EIF4G3: variants seen among roughly 807,000 people sequenced by gnomAD.
EIF4G3 encodes the protein eukaryotic translation initiation factor 4 gamma 3, also known as eIF-4-gamma 3.
Under a neutral mutation model 186.4 loss-of-function variants are expected in EIF4G3, and 34 were observed. The observed-to-expected ratio is 0.18, with a 90% CI of 0.14 to 0.24. EIF4G3 has a LOEUF of 0.24. Ranked by LOEUF, EIF4G3 falls within the 10% of genes least tolerant of loss-of-function variation. The pLI is 1.00. For missense variants in EIF4G3, 1,536 were observed against 1,948.5 expected, an observed-to-expected ratio of 0.79 and a Z score of 3.99; for synonymous variants, 673 against 679.5, an observed-to-expected ratio of 0.99 and a Z score of 0.15.
intron 7 of EIF4G3, among the ~76,000 whole-genome samples, chr1:20,995,515 G>T (rs1163445349): frequency 6.6e-6 from 1 of 152,078 alleles, no homozygotes; most frequent in African/African-American, 2.4e-5. Context: ...GGGATTACAG[G>T]TGCCCACCAC....
At chr1:21,114,233 G>A (rs1299697253) in intron 2 of EIF4G3, among the ~76,000 whole-genome samples, 1 of 150,922 alleles carries the variant, frequency 6.6e-6, no homozygotes, top group Non-Finnish European at 1.5e-5. Context: ...TGAAACCTCC[G>A]CCTCCCGGGT....
chr1:20,883,044 T>C (rs1300715923), intron 19 of EIF4G3, among the ~76,000 whole-genome samples: 2 of 150,850 alleles, frequency 1.3e-5, no homozygotes, highest in African/African-American at 4.9e-5. Context: ...ACAGAGCCAC[T>C]GAACTTTAAC....
At chr1:20,888,670 A>G (rs1335453477) in intron 18 of EIF4G3, among the ~76,000 whole-genome samples, 1 of 152,168 alleles carries the variant, frequency 6.6e-6, no homozygotes, top group African/African-American at 2.4e-5. Flanking sequence ...ATACAATGCC[A>G]GCCCTACCTG....
At chr1:21,055,073 A>C (rs562487389) in intron 3 of EIF4G3, among the ~76,000 whole-genome samples, 100 of 152,320 alleles carry the variant, frequency 6.6e-4, no homozygotes, top group African/African-American at 2.3e-3. Flanking sequence ...TCACCAAGGA[A>C]ATTTTTCAAA....
chr1:20,886,418 G>C (rs1443634443), intron 18 of EIF4G3, 47 bp from the exon 19 acceptor site: 1 of 1,578,966 alleles, frequency 6.3e-7, no homozygotes, highest in African/African-American at 1.4e-5. Context: ...CAATTTATTG[G>C]CTTTGTTGTG....
intron 3 of EIF4G3, among the ~76,000 whole-genome samples, chr1:21,084,864 T>C (rs2095907718): frequency 1.3e-5 from 2 of 151,992 alleles, no homozygotes; most frequent in Non-Finnish European, 2.9e-5. Context: ...ATACTGTATA[T>C]ATATTTGTTT....
chr1:21,175,136 T>C (rs1467586607), intron 2 of EIF4G3: 1 of 152,240 alleles, frequency 6.6e-6, no homozygotes, highest in Non-Finnish European at 1.5e-5. Context: ...TCATTATTTA[T>C]TGATTTACAC....
intron 29 of EIF4G3, among the ~76,000 whole-genome samples, chr1:20,844,430 T>C (rs2069923932): frequency 6.6e-6 from 1 of 152,220 alleles, no homozygotes; most frequent in African/African-American, 2.4e-5. Context: ...TTGTGATTGT[T>C]GGCCACATGT....
intron 36 of EIF4G3, among the ~76,000 whole-genome samples, chr1:20,809,687 A>G (rs2058840313): frequency 6.6e-6 from 1 of 152,228 alleles, no homozygotes; most frequent in South Asian, 2.1e-4. Context: ...ATCATCCTCA[A>G]CATCATTAAC....
chr1:20,913,460 C>T (rs148148340), intron 14 of EIF4G3, among the ~76,000 whole-genome samples: 1 of 152,202 alleles, frequency 6.6e-6, no homozygotes, highest in East Asian at 1.9e-4. Context: ...ATTGCTTGAG[C>T]CCAAGGGTTG....
At chr1:20,862,414 G>T in intron 22 of EIF4G3, 82 bp from the exon 23 acceptor site, 2 of 864,460 alleles carry the variant, frequency 2.3e-6, no homozygotes, top group Non-Finnish European at 3.5e-6. Flanking sequence ...TATTTATGTA[G>T]TTATCTATTT....
intron 4 of EIF4G3, among the ~76,000 whole-genome samples, chr1:21,003,225 C>T (rs188583882): frequency 2.1e-5 from 3 of 145,904 alleles, no homozygotes; most frequent in Non-Finnish European, 4.5e-5. Flanking sequence ...CCAGGCTGGG[C>T]TCAAACTCCA....
chr1:21,026,001 A>G (rs142604853), intron 4 of EIF4G3, among the ~76,000 whole-genome samples: 160 of 152,318 alleles, frequency 1.1e-3, no homozygotes, highest in African/African-American at 3.6e-3. Context: ...ATTCAATGCA[A>G]TCTCTATCAA....
At chr1:21,058,025 T>C (rs1157826208) in intron 3 of EIF4G3, among the ~76,000 whole-genome samples, 1 of 152,200 alleles carries the variant, frequency 6.6e-6, no homozygotes, top group African/African-American at 2.4e-5. Context: ...AGGTATAAAG[T>C]TTATTTATCT....
Position 20,871,019 on chromosome 1 carries a change from T to A in EIF4G3, c.2623-5757A>T, listed in dbSNP as rs151096077. Among the ~76,000 whole-genome samples, 6 of 152,336 alleles carry A rather than the reference T, an allele frequency of 3.9e-5. No homozygotes were observed. The East Asian group carries it at 1.2e-3, about 29-fold the overall frequency. ...GTACTACAGAGCAACGAGGGAAAGC[T>A]GAATCCATTATATCAATTTCCTCTA... is the stretch of plus-strand genomic sequence containing the variant. On this transcript the variant is annotated intron_variant, in intron 20 of 36. Coordinates refer to ENST00000602326, the MANE Select transcript of EIF4G3 (RefSeq NM_001391906.1).
At chr1:21,159,462 C>T (rs1352664192) in intron 2 of EIF4G3, among the ~76,000 whole-genome samples, 1 of 150,706 alleles carries the variant, frequency 6.6e-6, no homozygotes, top group South Asian at 2.1e-4. Flanking sequence ...AAAAGGCTGG[C>T]GCGGTGGCTC....
chr1:21,151,474 G>A (rs568379871), intron 2 of EIF4G3, among the ~76,000 whole-genome samples: 2 of 151,888 alleles, frequency 1.3e-5, no homozygotes, highest in East Asian at 1.9e-4. Context: ...TCCTGACCTC[G>A]TGATCCGCCC....
chr1:21,175,875 G>C lies in EIF4G3; in HGVS notation c.-272+300C>G, dbSNP rs142289468. On this transcript the variant is annotated intron_variant, in intron 2 of 36. Coordinates refer to ENST00000602326, the MANE Select transcript of EIF4G3 (RefSeq NM_001391906.1). ...CCAAGCAAATTCTGCCCAATAAAGGGGGGGAGGGTACCTTAGGGGAGGAGG... is the reference window on the plus strand; with the variant it reads ...CCAAGCAAATTCTGCCCAATAAAGGCGGGGAGGGTACCTTAGGGGAGGAGG... The C allele has an allele frequency of 9.5e-3, 1,599 of 167,532 alleles. 15 individuals carry two copies. The highest frequency in any genetic ancestry group is 0.026 in the South Asian group (128 of 4,978). The allele number at this position is 167,532 out of a possible 1,614,324, so 10.4% of individuals were successfully genotyped here.
intron 2 of EIF4G3, among the ~76,000 whole-genome samples, chr1:21,147,326 GTTTGTTTGTTT>G (rs2097461241): frequency 6.6e-6 from 1 of 151,922 alleles, no homozygotes; most frequent in South Asian, 2.1e-4. Flanking sequence ...GTTTTGCTAA[GTTTGTTTGTTT>G]TTTGTTTGTT....
Sources: gnomAD v4.1 joint callset for allele counts (sites outside exome capture counted in the v4.1 genomes callset) on GRCh38, gnomAD v4.1.1 for gene constraint, MANE v1.5 for transcripts, NCBI Gene and HGNC (gene_info 2026-07-23, HGNC 2026-07-21) for gene names.